The following ARFGEF3 variants were observed in gnomAD, a reference collection of about 807,000 sequenced individuals.
The protein encoded by ARFGEF3 is ARFGEF family member 3.
A neutral mutation model predicts 221.7 loss-of-function variants in ARFGEF3; 96 were observed. The observed-to-expected ratio is 0.43, with a 90% CI of 0.37 to 0.51. The LOEUF (loss-of-function observed/expected upper bound fraction) is 0.51, where lower values mean the gene tolerates loss of function less well. ARFGEF3 is among the 20% of genes least tolerant of loss of function. The pLI is 0.00. For missense variants in ARFGEF3, 2,410 were observed against 2,789.9 expected (o/e 0.86, Z 3.07); for synonymous variants, 1,145 against 1,126.8 (o/e 1.02, Z -0.32).
intron 2 of ARFGEF3, among the ~76,000 whole-genome samples, chr6:138,187,973 A>G (rs1214231588): frequency 6.6e-6 from 1 of 152,236 alleles, no homozygotes; most frequent in Non-Finnish European, 1.5e-5. Context: ...TAGGGAAAGG[A>G]AAAACACCTG....
chr6:138,307,652 A>T (rs954698534), intron 23 of ARFGEF3, among the ~76,000 whole-genome samples: 5 of 152,194 alleles, frequency 3.3e-5, no homozygotes, highest in Non-Finnish European at 7.3e-5. Flanking sequence ...TCACTTACAC[A>T]TTGCTGTGTT....
intron 2 of ARFGEF3, among the ~76,000 whole-genome samples, chr6:138,186,353 T>G (rs1225746516): frequency 6.6e-6 from 1 of 152,228 alleles, no homozygotes; most frequent in Non-Finnish European, 1.5e-5. Flanking sequence ...AGGTCGGCTT[T>G]CAGCACTGAT....
At chr6:138,253,125 G>T (rs968909576) in intron 8 of ARFGEF3, among the ~76,000 whole-genome samples, 46 of 152,164 alleles carry the variant, frequency 3.0e-4, no homozygotes, top group African/African-American at 1.1e-3. Context: ...CTCTTGAAAG[G>T]TTTAGATAAT....
chr6:138,319,911 G>T (rs1175008068), intron 28 of ARFGEF3, 32 bp downstream of exon 28: 1 of 1,598,380 alleles, frequency 6.3e-7, no homozygotes, highest in African/African-American at 1.3e-5. Context: ...TTCATTCTGG[G>T]TATTTCTTTG....
chr6:138,201,723 A>G (rs1777541277), intron 2 of ARFGEF3, among the ~76,000 whole-genome samples: 1 of 152,174 alleles, frequency 6.6e-6, no homozygotes, highest in Non-Finnish European at 1.5e-5. Flanking sequence ...GGTGCAGTGT[A>G]TACTGCTGGG....
intron 1 of ARFGEF3, among the ~76,000 whole-genome samples, chr6:138,170,083 G>A (rs1486685754): frequency 6.6e-6 from 1 of 152,192 alleles, no homozygotes; most frequent in Admixed American, 6.5e-5. Context: ...CAGCAATAGT[G>A]TGAAAAATCC....
chr6:138,235,711 A>G (rs1438599908), intron 5 of ARFGEF3, among the ~76,000 whole-genome samples: 1 of 152,238 alleles, frequency 6.6e-6, no homozygotes, highest in African/African-American at 2.4e-5. Flanking sequence ...TATTACAGGA[A>G]GTGTAAGAAA....
intron 6 of ARFGEF3, among the ~76,000 whole-genome samples, chr6:138,240,608 C>A (rs1677752000): frequency 6.6e-6 from 1 of 152,150 alleles, no homozygotes; most frequent in Non-Finnish European, 1.5e-5. Flanking sequence ...CATCTGGACT[C>A]ACCCCAACCG....
intron 6 of ARFGEF3, 47 bp downstream of exon 6, chr6:138,238,678 G>A (rs1778339789): frequency 6.3e-7 from 1 of 1,592,932 alleles, no homozygotes; most frequent in Non-Finnish European, 8.6e-7. Flanking sequence ...GGTGGTGTCT[G>A]TGTATCCCAT....
At chr6:138,325,938 A>C (rs143582750) in intron 31 of ARFGEF3, among the ~76,000 whole-genome samples, 2,037 of 151,598 alleles carry the variant, frequency 0.013, 18 homozygotes, top group Middle Eastern at 0.037. Context: ...GCTCACAGCA[A>C]CCTCTACCTC....
At chr6:138,274,507 C>T (rs1231635513) in intron 12 of ARFGEF3, among the ~76,000 whole-genome samples, 1 of 152,162 alleles carries the variant, frequency 6.6e-6, no homozygotes, top group Non-Finnish European at 1.5e-5. Flanking sequence ...TTTTAAAATG[C>T]ACCTCAGCCT....
Position 138,238,577 on chromosome 6 carries a change from C to G in ARFGEF3, c.489C>G (p.Leu163=). The G allele has an allele frequency of 6.2e-7, 1 of 1,613,812 alleles. No homozygotes were observed. Among genetic ancestry groups the G allele is most frequent in the Non-Finnish European group, 8.5e-7 (1 of 1,179,724 alleles). ...TAAACACTGCTGTGCGGGCAACTCT[C>G]AGTCAAATGCTGAGTGACTTGACTT... is the stretch of plus-strand genomic sequence containing the variant. ...RSINTAVRAT[L]SQMLSDLTLQ... is the part of the protein sequence containing the mutation. The change falls in exon 6 of 34, where the codon CTC becomes CTG. Residue 163 remains leucine (L), a synonymous_variant. Coordinates refer to ENST00000251691, the MANE Select transcript of ARFGEF3 (RefSeq NM_020340.5).
At chr6:138,255,850 G>T (rs570393307) in intron 10 of ARFGEF3, 81 bp downstream of exon 10, 3 of 1,231,540 alleles carry the variant, frequency 2.4e-6, no homozygotes, top group South Asian at 3.2e-5. Context: ...CTCAGAAAAG[G>T]CTTGCCAATC....
At chr6:138,289,750 C>G in intron 17 of ARFGEF3, 68 bp from the exon 18 acceptor site, 1 of 1,516,728 alleles carries the variant, frequency 6.6e-7, no homozygotes, top group Non-Finnish European at 9.0e-7. Context: ...GACACACATT[C>G]TTTCATTTTC....
At chr6:138,177,279 T>A (rs1186330831) in intron 2 of ARFGEF3, among the ~76,000 whole-genome samples, 2 of 151,664 alleles carry the variant, frequency 1.3e-5, no homozygotes, top group Non-Finnish European at 2.9e-5. Context: ...TGTTTGTTTG[T>A]TTGTTTATTT....
chr6:138,328,546 TATTTA>T (rs1190610053), intron 32 of ARFGEF3, among the ~76,000 whole-genome samples: 3 of 152,322 alleles, frequency 2.0e-5, no homozygotes, highest in Admixed American at 1.3e-4. Context: ...ACACCAGTCA[TATTTA>T]ATTAAAACTA....
intron 12 of ARFGEF3, among the ~76,000 whole-genome samples, chr6:138,272,366 A>AGACC (rs1366163620): frequency 1.3e-5 from 2 of 152,200 alleles, no homozygotes; most frequent in Admixed American, 1.3e-4. Context: ...CATGTTGGTC[A>AGACC]GGCTGGTCTT....
Position 138,335,012 on chromosome 6 carries a change from C to T in ARFGEF3, c.6166C>T (p.Pro2056Ser). The change falls in exon 33 of 34, where the codon CCC (proline) becomes TCC (serine). Residue 2056 changes from proline (P) to serine (S), a missense_variant. Pro to Ser is a moderately conservative substitution (Grantham distance 74, BLOSUM62 -1). Around this residue, in one of 5 missense-constraint regions of ARFGEF3, gnomAD observed 339 missense variants for 334.9 expected, o/e 1.01. Coordinates refer to ENST00000251691, the MANE Select transcript of ARFGEF3 (RefSeq NM_020340.5). ...GGAGAAGAAAGGAGAGCCACTGGGTCCCAGGGGCCAGGACTCCCCGCTGCT... is the reference window on the plus strand; with the variant it reads ...GGAGAAGAAAGGAGAGCCACTGGGTTCCAGGGGCCAGGACTCCCCGCTGCT... ...KVEKKGEPLGPRGQDSPLLQR... is the reference protein window; with the variant it reads ...KVEKKGEPLGSRGQDSPLLQR... The T allele has an allele frequency of 6.3e-7, 1 of 1,589,780 alleles. No homozygotes were observed. Among genetic ancestry groups the T allele is most frequent in the East Asian group, 2.3e-5 (1 of 43,552 alleles).
chr6:138,266,572 G>A (rs1778896277), intron 12 of ARFGEF3, among the ~76,000 whole-genome samples: 1 of 152,146 alleles, frequency 6.6e-6, no homozygotes, highest in South Asian at 2.1e-4. Flanking sequence ...TAGTTCGGCT[G>A]GGTGCGGTGG....
Sources: allele counts gnomAD v4.1 joint callset (sites outside exome capture counted in the v4.1 genomes callset), GRCh38; gene constraint gnomAD v4.1.1; regional missense constraint gnomAD v4.1.1; transcripts MANE v1.5; gene names NCBI Gene and HGNC (gene_info 2026-07-23, HGNC 2026-07-21).